The following PCDH9 variants were observed in gnomAD, a reference collection of about 807,000 sequenced individuals.
PCDH9 encodes protocadherin 9, also known as protocadherin-9.
In PCDH9, 24 loss-of-function variants were observed where a neutral mutation model predicts 70.6. The observed-to-expected ratio is 0.34, with a 90% CI of 0.25 to 0.48. PCDH9 has a LOEUF of 0.48. Among genes scored for constraint, PCDH9 ranks in the 20% least tolerant of loss-of-function variants. PCDH9 has a pLI of 0.99. For synonymous variants in PCDH9, 562 were observed against 558.5 expected (o/e 1.01, Z -0.09); for missense variants, 1,281 against 1,503.6 (o/e 0.85, Z 2.45).
intron 4 of PCDH9, among the ~76,000 whole-genome samples, chr13:66,341,920 G>T (rs968410548): frequency 5.3e-5 from 8 of 152,140 alleles, no homozygotes. Context: ...AGCTATATGG[G>T]CTGCAAGCTA....
rs888458732 is a variant in PCDH9 at position 66,619,345 on chromosome 13, T to G, written c.3340+11865A>C. Among the ~76,000 whole-genome samples, 4 of 152,280 alleles carry G rather than the reference T, an allele frequency of 2.6e-5. No individual in the cohort carries two copies. The East Asian group carries it at 7.7e-4, about 29-fold the overall frequency. On this transcript the variant is annotated intron_variant, in intron 4 of 4. Coordinates refer to ENST00000377865, the MANE Select transcript of PCDH9 (RefSeq NM_203487.3). ...TTTATTAGTCTTTAGAAAATGGGTG[T>G]TTTGGAGCCCCATCAGGCATGGTAA...
chr13:66,305,166 A>G (rs1955442941), intron 4 of PCDH9, 138 bp from the exon 5 acceptor site: 1 of 755,034 alleles, frequency 1.3e-6, no homozygotes, highest in Admixed American at 3.0e-5. Context: ...TCAAAGATAT[A>G]TTTCTCCATC....
chr13:66,360,696 T>C (rs2138192466), intron 4 of PCDH9, among the ~76,000 whole-genome samples: 1 of 152,192 alleles, frequency 6.6e-6, no homozygotes, highest in Non-Finnish European at 1.5e-5. Flanking sequence ...TCACTGGAAA[T>C]TGACACAATT....
At chr13:66,503,882 C>T (rs377342960) in intron 4 of PCDH9, among the ~76,000 whole-genome samples, 1 of 152,124 alleles carries the variant, frequency 6.6e-6, no homozygotes, top group Non-Finnish European at 1.5e-5. Flanking sequence ...AAGATCCTAC[C>T]ATATCAGCAA....
At chr13:66,683,445 C>T (rs2078356308) in intron 3 of PCDH9, among the ~76,000 whole-genome samples, 1 of 152,160 alleles carries the variant, frequency 6.6e-6, no homozygotes, top group Non-Finnish European at 1.5e-5. Flanking sequence ...TAAACAGCCA[C>T]TGGGATAATG....
intron 4 of PCDH9, among the ~76,000 whole-genome samples, chr13:66,360,511 T>C (rs559995183): frequency 1.4e-3 from 218 of 152,266 alleles, no homozygotes; most frequent in African/African-American, 5.1e-3. Context: ...CTTATGAATG[T>C]TAATTAAAGG....
At chr13:66,434,743 A>C (rs9529065) in intron 4 of PCDH9, among the ~76,000 whole-genome samples, 1,694 of 152,150 alleles carry the variant, frequency 0.011, 18 homozygotes, top group Non-Finnish European at 0.017. Flanking sequence ...CTACTTTCCA[A>C]TGTCAAACTA....
chr13:66,420,694 G>T (rs756611446), intron 4 of PCDH9, among the ~76,000 whole-genome samples: 10 of 152,126 alleles, frequency 6.6e-5, no homozygotes, highest in Non-Finnish European at 1.3e-4. Flanking sequence ...CAACAGCAAA[G>T]ACCAAAAGTA....
intron 2 of PCDH9, among the ~76,000 whole-genome samples, chr13:67,076,776 T>C (rs1158531361): frequency 6.6e-6 from 1 of 152,194 alleles, no homozygotes; most frequent in African/African-American, 2.4e-5. Context: ...ATATATTTTA[T>C]TTATTCCAAA....
chr13:66,886,341 C>T (rs891965471), intron 3 of PCDH9, among the ~76,000 whole-genome samples: 1 of 152,062 alleles, frequency 6.6e-6, no homozygotes, highest in African/African-American at 2.4e-5. Flanking sequence ...TTCCAACCTC[C>T]CGCGCAAAAC....
chr13:67,055,622 C>T (rs2085403312), intron 2 of PCDH9, among the ~76,000 whole-genome samples: 1 of 131,806 alleles, frequency 7.6e-6, no homozygotes, highest in African/African-American at 2.9e-5. Flanking sequence ...GCCTAGGCAA[C>T]ATAGCAAGAC....
chr13:66,714,928 C>T (rs1006356279), intron 3 of PCDH9, among the ~76,000 whole-genome samples: 2 of 152,066 alleles, frequency 1.3e-5, no homozygotes, highest in African/African-American at 2.4e-5. Context: ...AGGGAATGGT[C>T]AAGAAAAGTA....
intron 3 of PCDH9, among the ~76,000 whole-genome samples, chr13:66,660,327 T>C (rs1158542867): frequency 6.7e-6 from 1 of 149,944 alleles, no homozygotes; most frequent in Non-Finnish European, 1.5e-5. Flanking sequence ...TGAGTTTCCT[T>C]TTTTGTCATC....
intron 3 of PCDH9, among the ~76,000 whole-genome samples, chr13:66,643,547 C>A (rs927264251): frequency 1.3e-5 from 2 of 151,984 alleles, no homozygotes; most frequent in African/African-American, 4.8e-5. Context: ...TACCGAGTCA[C>A]CTATCTCAGT....
chr13:67,205,971 C>T (rs1046654964), intron 2 of PCDH9: 2 of 152,036 alleles, frequency 1.3e-5, no homozygotes, highest in African/African-American at 4.8e-5. Flanking sequence ...TAGACAGGGT[C>T]TTGCTCTAGT....
rs142325523 is a variant in PCDH9 at position 66,382,893 on chromosome 13, G to A, written c.3341-77865C>T. Among the ~76,000 whole-genome samples the A allele has an allele frequency of 6.8e-3, 1,031 of 152,242 alleles. 15 individuals carry two copies. The highest frequency in any genetic ancestry group is 0.023 in the African/African-American group (965 of 41,544). ...TAAAAATACAAAAAATCAGCCAGGC[G>A]TGGTGGCGCATGTCTGTAATCCCAG... On this transcript the variant is annotated intron_variant, in intron 4 of 4. Transcript: ENST00000377865.
At chr13:66,937,469 G>A (rs2082935643) in intron 2 of PCDH9, among the ~76,000 whole-genome samples, 2 of 152,158 alleles carry the variant, frequency 1.3e-5, no homozygotes, top group African/African-American at 4.8e-5. Context: ...ATTACTGCCT[G>A]TCTCCACAAT....
intron 3 of PCDH9, among the ~76,000 whole-genome samples, chr13:66,881,794 G>A (rs758573525): frequency 1.3e-5 from 2 of 152,044 alleles, no homozygotes; most frequent in Non-Finnish European, 2.9e-5. Context: ...CATAACCATA[G>A]AAATGGGACA....
chr13:67,026,889 C>T (rs1226928925), intron 2 of PCDH9, among the ~76,000 whole-genome samples: 2 of 152,006 alleles, frequency 1.3e-5, no homozygotes, highest in Non-Finnish European at 2.9e-5. Context: ...GGAGAACTAC[C>T]AACCACTGAT....
Sources: allele counts gnomAD v4.1 joint callset (sites outside exome capture counted in the v4.1 genomes callset), GRCh38; gene constraint gnomAD v4.1.1; transcripts MANE v1.5; gene names NCBI Gene and HGNC (gene_info 2026-07-23, HGNC 2026-07-21).